RASGEF1B: variants seen among roughly 807,000 people sequenced by gnomAD.
The protein encoded by RASGEF1B is ras-GEF domain-containing family member 1B.
RASGEF1B carries 30 observed loss-of-function variants against 65.7 expected under a neutral mutation model. The observed-to-expected ratio is 0.46, with a 90% CI of 0.34 to 0.62. RASGEF1B has a LOEUF of 0.62. RASGEF1B is among the 20% of genes least tolerant of loss of function. The pLI, the probability that RASGEF1B is intolerant of heterozygous loss-of-function variation, is 0.01. For synonymous variants in RASGEF1B, 175 were observed against 194.8 expected, an observed-to-expected ratio of 0.90 and a Z score of 0.85; for missense variants, 495 against 580.1, an observed-to-expected ratio of 0.85 and a Z score of 1.51.
chr4:81,448,432 C>T (rs1560703012), intron 4 of RASGEF1B, 148 bp from the exon 5 acceptor site: 2 of 685,328 alleles, frequency 2.9e-6, no homozygotes, highest in Non-Finnish European at 5.1e-6. Context: ...TCAGCTAGCT[C>T]TAACAGTTTG....
intron 9 of RASGEF1B, 122 bp from the exon 10 acceptor site, chr4:81,441,051 A>G (rs1007209495): frequency 1.1e-5 from 7 of 622,092 alleles, no homozygotes; most frequent in African/African-American, 5.5e-5. Flanking sequence ...CTCAGTAGGA[A>G]TATGATTTAT....
chr4:81,456,735 C>T lies in RASGEF1B; in HGVS notation c.354G>A (p.Thr118=), dbSNP rs778209373. The change falls in exon 4 of 14, where the codon ACG becomes ACA. Residue 118 remains threonine (T), a synonymous_variant. Coordinates refer to ENST00000264400, the MANE Select transcript of RASGEF1B (RefSeq NM_152545.3). ...PKILQLLTEW[T]ETFPYDFRDE... is the part of the protein sequence containing the mutation. ...CCCGAAAATCATAGGGAAATGTTTCCGTCCATTCCGTGAGGAGTTGAAGGA... is the reference window on the plus strand; with the variant it reads ...CCCGAAAATCATAGGGAAATGTTTCTGTCCATTCCGTGAGGAGTTGAAGGA... 29 of 1,613,794 alleles carry T rather than the reference C, an allele frequency of 1.8e-5. No homozygotes were observed. The East Asian group carries it at 4.5e-4, about 25-fold the overall frequency.
rs1721240935 is a variant in RASGEF1B at position 81,426,919 on chromosome 4, A to G, written c.*849T>C. 1 of 151,514 alleles carries G rather than the reference A, an allele frequency of 6.6e-6. No individual in the cohort carries two copies. Among genetic ancestry groups the G allele is most frequent in the Non-Finnish European group, 1.5e-5 (1 of 67,918 alleles). The allele number at this position is 151,514 out of a possible 1,614,324, so 9.4% of individuals were successfully genotyped here. ...CAGGCATCATGGAAAACTAAGTAAC[A>G]AAAAGCTATTGAAAAATACATCTGT... On this transcript the variant is annotated 3_prime_UTR_variant, in exon 14 of 14. Transcript: ENST00000264400.
chr4:81,460,705 A>T (rs72663869), intron 1 of RASGEF1B, among the ~76,000 whole-genome samples: 22,523 of 152,174 alleles, frequency 0.15, 1,816 homozygotes, highest in South Asian at 0.25. Context: ...TGGGGCATTA[A>T]GAGAAAACAT....
At chr4:81,456,202 G>C in intron 4 of RASGEF1B, 1 of 387,904 alleles carries the variant, frequency 2.6e-6, no homozygotes, top group Non-Finnish European at 4.6e-6. Context: ...TTCTGCCATG[G>C]CCCAGAATGT....
intron 13 of RASGEF1B, among the ~76,000 whole-genome samples, chr4:81,429,143 A>C (rs1158580706): frequency 6.6e-6 from 1 of 152,232 alleles, no homozygotes; most frequent in Admixed American, 6.5e-5. Context: ...ACACAAAACC[A>C]CATGGCTGGT....
chr4:81,443,145 G>T (rs753900567), intron 8 of RASGEF1B, among the ~76,000 whole-genome samples: 4 of 152,156 alleles, frequency 2.6e-5, no homozygotes, highest in Non-Finnish European at 4.4e-5. Context: ...GATACTTTAC[G>T]TACTATAACT....
chr4:81,465,202 T>A (rs1722767965), intron 1 of RASGEF1B, among the ~76,000 whole-genome samples: 3 of 152,178 alleles, frequency 2.0e-5, no homozygotes, highest in African/African-American at 7.2e-5. Context: ...GTACAGCTAT[T>A]GAAATGGGCT....
rs774991204 is a variant in RASGEF1B at position 81,440,851 on chromosome 4, G to T, written c.1087C>A (p.His363Asn). 1 of 1,609,188 alleles carries T rather than the reference G, an allele frequency of 6.2e-7. No homozygotes were observed. The highest frequency in any genetic ancestry group is 1.7e-5 in the Admixed American group (1 of 59,940). ...GTGCATACCTTTTCTCTACTACTATGAGCAGTTAAAGACCTTTGTGCTGCC... is the reference window on the plus strand; with the variant it reads ...GTGCATACCTTTTCTCTACTACTATTAGCAGTTAAAGACCTTTGTGCTGCC... ...RGAAQRSLTA[H>N]SSREKIVIPF... is the part of the protein sequence containing the mutation. Residue 363 changes from histidine (H) to asparagine (N), a missense_variant, in exon 10 of 14, where the codon CAT (histidine) becomes AAT (asparagine). Transcript: ENST00000264400.
In RASGEF1B at chr4:81,438,618, T is replaced by C. The variant is rs139099092; in HGVS notation, c.1104+2216A>G. On this transcript the variant is annotated intron_variant, in intron 10 of 13. Transcript: ENST00000264400. ...GTGCACAACGTGCAGGTTTCTTACATAGGTATACATGTGTCATGGTGGTTT... is the reference window on the plus strand; with the variant it reads ...GTGCACAACGTGCAGGTTTCTTACACAGGTATACATGTGTCATGGTGGTTT... 6.6e-5 allele frequency among the ~76,000 whole-genome samples: 10 copies of C among 152,338 alleles called. No homozygotes were observed. The East Asian group carries it at 1.5e-3, about 24-fold the overall frequency.
chr4:81,427,913 T>A, intron 13 of RASGEF1B, 121 bp from the exon 14 acceptor site: 1 of 1,041,746 alleles, frequency 9.6e-7, no homozygotes, highest in East Asian at 2.7e-5. Flanking sequence ...TTTTACAAAG[T>A]TAAACCAGGA....
In RASGEF1B at chr4:81,427,551, A is replaced by C. The variant is rs1721269239; in HGVS notation, c.*217T>G. ...ATTCTTTCTCAAGTGTCTTCAGTGA[A>C]CATTTCAGTCTCACAAAATCTGAGT... On this transcript the variant is annotated 3_prime_UTR_variant, in exon 14 of 14. Coordinates refer to ENST00000264400, the MANE Select transcript of RASGEF1B (RefSeq NM_152545.3). 2 of 503,276 alleles carry C rather than the reference A, an allele frequency of 4.0e-6. No individual in the cohort carries two copies. Among genetic ancestry groups the C allele is most frequent in the Non-Finnish European group, 3.5e-6 (1 of 285,924 alleles). 31.2% of individuals were successfully genotyped at this position (503,276 alleles called of 1,614,324 possible).
chr4:81,442,208 T>A (rs1278131647), intron 9 of RASGEF1B, 89 bp downstream of exon 9: 1 of 862,772 alleles, frequency 1.2e-6, no homozygotes, highest in Non-Finnish European at 2.0e-6. Context: ...TCCTCTGTCG[T>A]AGTCTGATGG....
At chr4:81,449,418 A>C (rs1197989590) in intron 4 of RASGEF1B, among the ~76,000 whole-genome samples, 1 of 152,246 alleles carries the variant, frequency 6.6e-6, no homozygotes, top group Non-Finnish European at 1.5e-5. Flanking sequence ...TAAATCAAGA[A>C]ATGACTTCAT....
In RASGEF1B at chr4:81,442,336, A is replaced by T; in HGVS notation, c.969T>A (p.Thr323=). Residue 323 remains threonine, a synonymous_variant, in exon 9 of 14, where the codon ACT becomes ACA. Coordinates refer to ENST00000264400, the MANE Select transcript of RASGEF1B (RefSeq NM_152545.3). The stretch of plus-strand genomic sequence containing the variant: ...ATTTTGCAGTCTTCACTTTGGCCCA[A>T]GTTTTTTTTAGTCGAGAGACTGGGC... ...NMSPVSRLKK[T]WAKVKTAKFD... 6.2e-7 allele frequency: 1 copy of T among 1,613,638 alleles called. No homozygotes were observed. Among genetic ancestry groups the T allele is most frequent in the Non-Finnish European group, 8.5e-7 (1 of 1,179,626 alleles).
intron 10 of RASGEF1B, among the ~76,000 whole-genome samples, chr4:81,438,165 T>C (rs1329722501): frequency 2.0e-5 from 3 of 152,048 alleles, no homozygotes; most frequent in Non-Finnish European, 2.9e-5. Flanking sequence ...TGTAATCATA[T>C]GAGAAATGGT....
chr4:81,441,841 C>T (rs936807976), intron 9 of RASGEF1B, among the ~76,000 whole-genome samples: 1 of 152,142 alleles, frequency 6.6e-6, no homozygotes, highest in Non-Finnish European at 1.5e-5. Flanking sequence ...CTGCGCCTGG[C>T]CCACAATTCT....
intron 4 of RASGEF1B, 72 bp from the exon 5 acceptor site, chr4:81,448,356 G>T: frequency 7.8e-7 from 1 of 1,285,418 alleles, no homozygotes; most frequent in Non-Finnish European, 1.1e-6. Context: ...CTCAGAGACT[G>T]TGTCCTCAAA....
intron 4 of RASGEF1B, chr4:81,451,267 A>G (rs892467065): frequency 6.6e-6 from 1 of 152,236 alleles, no homozygotes; most frequent in South Asian, 2.1e-4. Flanking sequence ...CTGAGTTTTC[A>G]GTATAAACAA....
Sources: gnomAD v4.1 joint callset for allele counts (sites outside exome capture counted in the v4.1 genomes callset) on GRCh38, gnomAD v4.1.1 for gene constraint, MANE v1.5 for transcripts, NCBI Gene and HGNC (gene_info 2026-07-23, HGNC 2026-07-21) for gene names.